PCDH15: variants seen among roughly 807,000 people sequenced by gnomAD.
PCDH15 encodes protocadherin-15.
PCDH15 carries 129 observed loss-of-function variants against 178.5 expected under a neutral mutation model. The observed-to-expected ratio is 0.72, with a 90% confidence interval of 0.63 to 0.84. PCDH15 has a LOEUF of 0.84. Ranked by LOEUF, PCDH15 falls within the 40% of genes least tolerant of loss-of-function variation. The probability of loss-of-function intolerance (pLI) is 0.00; values close to 1 mark genes in which losing one functional copy is unlikely to be tolerated. For missense variants in PCDH15, 2,230 were observed against 2,099.9 expected, an observed-to-expected ratio of 1.06 and a Z score of -1.21; for synonymous variants, 800 against 732.0, an observed-to-expected ratio of 1.09 and a Z score of -1.50.
intron 3 of PCDH15, among the ~76,000 whole-genome samples, chr10:54,827,421 T>C (rs758928339): frequency 1.6e-4 from 24 of 152,224 alleles, no homozygotes; most frequent in South Asian, 1.2e-3. Flanking sequence ...ACATGATCCA[T>C]TGAAAAAATA....
chr10:53,854,944 A>AT (rs1363457958), intron 28 of PCDH15, among the ~76,000 whole-genome samples: 1 of 152,018 alleles, frequency 6.6e-6, no homozygotes, highest in East Asian at 1.9e-4. Context: ...AAGTTACCTG[A>AT]TTTTTCCTAT....
At chr10:55,444,140 G>T (rs1471956420) in intron 2 of PCDH15, among the ~76,000 whole-genome samples, 1 of 151,756 alleles carries the variant, frequency 6.6e-6, no homozygotes, top group Non-Finnish European at 1.5e-5. Context: ...ATCGGGGGGT[G>T]GGGGGTAAGG....
intron 21 of PCDH15, among the ~76,000 whole-genome samples, chr10:53,992,206 T>C (rs1911421): frequency 0.81 from 123,392 of 151,914 alleles, 50,838 homozygotes; most frequent in East Asian, 0.95. Flanking sequence ...AGGTCTGCAG[T>C]TTCACTGTTG....
chr10:55,255,149 G>A (rs1841956791), intron 1 of PCDH15, among the ~76,000 whole-genome samples: 1 of 152,020 alleles, frequency 6.6e-6, no homozygotes, highest in Non-Finnish European at 1.5e-5. Context: ...TCCCCTTCCT[G>A]TGTCCATGTA....
intron 15 of PCDH15, among the ~76,000 whole-genome samples, chr10:54,092,153 C>A (rs958289879): frequency 5.3e-5 from 8 of 152,192 alleles, no homozygotes; most frequent in African/African-American, 1.9e-4. Context: ...CTCCTACTTT[C>A]TCAGGGCTCA....
chr10:53,995,483 T>C (rs2091786228), intron 21 of PCDH15, 166 bp downstream of exon 21: 3 of 1,258,606 alleles, frequency 2.4e-6, no homozygotes, highest in Non-Finnish European at 3.3e-6. Flanking sequence ...TCATCTGAAA[T>C]ATGCTCTGTA....
chr10:54,391,351 A>G (rs575178758), intron 3 of PCDH15, among the ~76,000 whole-genome samples: 1 of 148,580 alleles, frequency 6.7e-6, no homozygotes, highest in South Asian at 2.2e-4. Flanking sequence ...CTTAATATGC[A>G]CACTCCAATC....
At chr10:54,731,070 T>C (rs1265396666) in intron 1 of PCDH15, among the ~76,000 whole-genome samples, 3 of 150,972 alleles carry the variant, frequency 2.0e-5, no homozygotes, top group African/African-American at 7.3e-5. Context: ...ATGGCAAAAA[T>C]AGATGAAATT....
intron 2 of PCDH15, among the ~76,000 whole-genome samples, chr10:55,481,801 G>A (rs533225929): frequency 6.6e-6 from 1 of 151,754 alleles, no homozygotes; most frequent in Non-Finnish European, 1.5e-5. Context: ...TGAGAAGATT[G>A]TATATTCTGT....
chr10:54,583,614 A>G (rs908625916), intron 2 of PCDH15, among the ~76,000 whole-genome samples: 1 of 152,164 alleles, frequency 6.6e-6, no homozygotes, highest in South Asian at 2.1e-4. Flanking sequence ...ATTCTAACAT[A>G]CAAGCATTCA....
chr10:54,765,626 A>G (rs1948419421), intron 1 of PCDH15, among the ~76,000 whole-genome samples: 2 of 152,178 alleles, frequency 1.3e-5, no homozygotes, highest in Admixed American at 1.3e-4. Context: ...AAAAATACCT[A>G]ATGACCTTCT....
intron 3 of PCDH15, among the ~76,000 whole-genome samples, chr10:54,412,426 A>G (rs1187851509): frequency 2.0e-5 from 3 of 152,094 alleles, no homozygotes; most frequent in Admixed American, 2.0e-4. Flanking sequence ...AAAATGCCTA[A>G]AGATTAATAC....
intron 2 of PCDH15, among the ~76,000 whole-genome samples, chr10:55,433,978 T>C (rs1338517318): frequency 6.6e-6 from 1 of 152,044 alleles, no homozygotes; most frequent in Non-Finnish European, 1.5e-5. Context: ...TCTTTTCTAA[T>C]GCTCTTTTTC....
At chr10:55,033,633 A>C (rs1248890220) in intron 2 of PCDH15, among the ~76,000 whole-genome samples, 2 of 152,092 alleles carry the variant, frequency 1.3e-5, no homozygotes, top group Non-Finnish European at 2.9e-5. Context: ...AGGATGAAAC[A>C]CTCTTGAGTT....
At chr10:55,261,910 C>A (rs1015491557) in intron 1 of PCDH15, among the ~76,000 whole-genome samples, 6 of 151,860 alleles carry the variant, frequency 4.0e-5, no homozygotes, top group African/African-American at 1.5e-4. Context: ...AAAACTTGGT[C>A]CTCAGAAAGC....
At chr10:55,004,056 A>T (rs1270097588) in intron 2 of PCDH15, among the ~76,000 whole-genome samples, 2 of 152,020 alleles carry the variant, frequency 1.3e-5, no homozygotes, top group Admixed American at 6.6e-5. Context: ...TACTTGCTAT[A>T]TTTTTTGTGA....
chr10:54,353,031 A>G (rs147973734), intron 5 of PCDH15, among the ~76,000 whole-genome samples: 1 of 152,302 alleles, frequency 6.6e-6, no homozygotes, highest in Non-Finnish European at 1.5e-5. Context: ...GTAAACAGGC[A>G]GTCATCAGTG....
chr10:54,857,801 C>T (rs1410959916), intron 3 of PCDH15, among the ~76,000 whole-genome samples: 1 of 152,102 alleles, frequency 6.6e-6, no homozygotes, highest in Non-Finnish European at 1.5e-5. Flanking sequence ...ACTCTTAGTG[C>T]ATGCTTGCTA....
intron 28 of PCDH15, among the ~76,000 whole-genome samples, chr10:53,848,902 C>T (rs928106963): frequency 3.5e-4 from 53 of 152,016 alleles, no homozygotes; most frequent in African/African-American, 1.3e-3. Flanking sequence ...GCAACATAAA[C>T]ATATTTATCT....
Sources: gnomAD v4.1 joint callset for allele counts (sites outside exome capture counted in the v4.1 genomes callset) on GRCh38, gnomAD v4.1.1 for gene constraint, MANE v1.5 for transcripts, NCBI Gene and HGNC (gene_info 2026-07-23, HGNC 2026-07-21) for gene names.